CFAP54: variants seen among roughly 807,000 people sequenced by gnomAD.
CFAP54 encodes the protein cilia and flagella associated protein 54.
In CFAP54, 290 loss-of-function variants were observed where a neutral mutation model predicts 370.4. The observed-to-expected ratio is 0.78, with a 90% CI of 0.71 to 0.86. The LOEUF is 0.86. Among genes scored for constraint, CFAP54 ranks in the 40% least tolerant of loss-of-function variants. CFAP54 has a pLI of 0.00. For synonymous variants in CFAP54, 1,206 were observed against 1,236.5 expected, an observed-to-expected ratio of 0.98 and a Z score of 0.52; for missense variants, 3,399 against 3,528.7, an observed-to-expected ratio of 0.96 and a Z score of 0.93.
chr12:96,636,092 C>T (rs895116537), intron 32 of CFAP54, among the ~76,000 whole-genome samples: 76 of 152,292 alleles, frequency 5.0e-4, no homozygotes, highest in African/African-American at 1.7e-3. Context: ...AGGCTCTACC[C>T]TGAGTCGCCT....
At chr12:96,508,469 A>G (rs1361427934) in intron 4 of CFAP54, among the ~76,000 whole-genome samples, 1 of 151,328 alleles carries the variant, frequency 6.6e-6, no homozygotes, top group East Asian at 1.9e-4. Context: ...TATTTTTAGT[A>G]CAGACGGGTT....
chr12:96,638,621 T>C (rs1038686089), intron 32 of CFAP54, among the ~76,000 whole-genome samples: 1 of 152,190 alleles, frequency 6.6e-6, no homozygotes, highest in African/African-American at 2.4e-5. Context: ...TTTCTGCTTC[T>C]TGTGAATAGA....
chr12:96,607,109 G>A (rs1005873115), intron 26 of CFAP54, among the ~76,000 whole-genome samples: 2 of 152,218 alleles, frequency 1.3e-5, no homozygotes, highest in Non-Finnish European at 2.9e-5. Context: ...GACCTCAAGA[G>A]CAGGAAATAA....
At chr12:96,772,179 T>G (rs555816013) in intron 60 of CFAP54, among the ~76,000 whole-genome samples, 1 of 152,272 alleles carries the variant, frequency 6.6e-6, no homozygotes, top group Admixed American at 6.5e-5. Context: ...AAGTGTCCAG[T>G]TCTCAGTTCC....
At chr12:96,699,509 A>C (rs1731752046) in intron 45 of CFAP54, among the ~76,000 whole-genome samples, 1 of 152,072 alleles carries the variant, frequency 6.6e-6, no homozygotes, top group Admixed American at 6.6e-5. Flanking sequence ...AATAAAAGAA[A>C]ATTAGTAGTT....
chr12:96,792,571 G>A (rs1471893338), intron 63 of CFAP54, 72 bp downstream of exon 63: 3 of 1,184,658 alleles, frequency 2.5e-6, no homozygotes, highest in East Asian at 5.2e-5. Flanking sequence ...ATAACTTGGA[G>A]AGTAGAGGAC....
At chr12:96,658,494 A>G in intron 38 of CFAP54, 148 bp downstream of exon 38, 1 of 1,026,684 alleles carries the variant, frequency 9.7e-7, no homozygotes, top group Admixed American at 2.6e-5. Flanking sequence ...ATCAACAAAC[A>G]TTATTGAGAG....
intron 26 of CFAP54, among the ~76,000 whole-genome samples, chr12:96,613,461 T>TAG (rs1956381526): frequency 6.6e-6 from 1 of 151,988 alleles, no homozygotes; most frequent in Non-Finnish European, 1.5e-5. Context: ...TTAAAAGAAC[T>TAG]AGAGAAGCAA....
intron 56 of CFAP54, among the ~76,000 whole-genome samples, chr12:96,755,304 C>G (rs1958240837): frequency 6.6e-6 from 1 of 152,122 alleles, no homozygotes. Flanking sequence ...TTAAATCAAG[C>G]TAATTAGCAT....
Position 96,756,629 on chromosome 12 carries a change from T to C in CFAP54, c.7946+66T>C. On this transcript the variant is annotated intron_variant, in intron 57 of 67. Transcript: ENST00000524981. ...TTGAGCCCCGTGTTCTTGTAGTACA[T>C]TGACCACTCAAGGCTGGATTGCTTG... The C allele has an allele frequency of 2.5e-5, 26 of 1,054,574 alleles. No homozygotes were observed. The South Asian group carries it at 3.5e-4, about 14-fold the overall frequency. 65.3% of individuals were successfully genotyped at this position (1,054,574 alleles called of 1,614,324 possible).
At chr12:96,817,136 C>T (rs1261917113) in intron 64 of CFAP54, among the ~76,000 whole-genome samples, 2 of 152,150 alleles carry the variant, frequency 1.3e-5, no homozygotes, top group African/African-American at 4.8e-5. Context: ...TTTGCTTTTG[C>T]CTAGATTTTG....
At chr12:96,528,609 A>G (rs1955407969) in intron 9 of CFAP54, among the ~76,000 whole-genome samples, 1 of 152,108 alleles carries the variant, frequency 6.6e-6, no homozygotes, top group Non-Finnish European at 1.5e-5. Flanking sequence ...GATGAATTCA[A>G]TTTCCTCCAT....
chr12:96,826,021 A>T (rs1959097845), intron 65 of CFAP54, among the ~76,000 whole-genome samples: 1 of 144,018 alleles, frequency 6.9e-6, no homozygotes, highest in Non-Finnish European at 1.5e-5. Flanking sequence ...ATAGAAATTA[A>T]TAATAGATAT....
intron 4 of CFAP54, among the ~76,000 whole-genome samples, chr12:96,511,281 A>G (rs922252047): frequency 2.6e-5 from 4 of 152,134 alleles, no homozygotes; most frequent in African/African-American, 9.7e-5. Context: ...ATCAAGTAAT[A>G]GATGTTTTGG....
chr12:96,868,371 A>G (rs1960061038), intron 67 of CFAP54, among the ~76,000 whole-genome samples: 1 of 140,502 alleles, frequency 7.1e-6, no homozygotes, highest in Non-Finnish European at 1.5e-5. Context: ...TCCACTGTAT[A>G]TTTTTCTGTT....
At chr12:96,604,313 G>A (rs534370994) in intron 26 of CFAP54, among the ~76,000 whole-genome samples, 16 of 151,774 alleles carry the variant, frequency 1.1e-4, no homozygotes, top group Admixed American at 5.2e-4. Flanking sequence ...CTGCCTGATC[G>A]TTCCTCTGGA....
At chr12:96,696,330 A>G (rs546546147) in intron 45 of CFAP54, among the ~76,000 whole-genome samples, 1 of 152,288 alleles carries the variant, frequency 6.6e-6, no homozygotes, top group East Asian at 1.9e-4. Flanking sequence ...CATGAGAGAA[A>G]TGAAGAGATT....
rs548599365 is a variant in CFAP54, at chr12:96,492,022, A to T, written c.317+2096A>T. 5.9e-5 allele frequency among the ~76,000 whole-genome samples: 9 copies of T among 152,258 alleles called. No individual in the cohort carries two copies. The East Asian group carries it at 1.5e-3, about 26-fold the overall frequency. On this transcript the variant is annotated intron_variant, in intron 1 of 67. Transcript: ENST00000524981. ...TGATCCACCCGCCTTGGCCTCCAAG[A>T]TTGCTGAGGTTACAGGCATGAGCCA...
chr12:96,626,850 C>A lies in CFAP54; in HGVS notation c.4014C>A (p.Phe1338Leu). ...AGCAAAAACCAAGATTTCTGGAATT[C>A]TTTACACAAGTTATGCTAAAATGCA... ...KFKQKPRFLE[F>L]FTQVMLKCMN... is the part of the protein sequence containing the mutation. Residue 1338 changes from phenylalanine (F) to leucine (L), a missense_variant, in exon 30 of 68, where the codon TTC becomes TTA. This residue lies in a region of CFAP54 where 2,796 missense variants were observed against 2,869.7 expected (regional missense o/e 0.97). Coordinates refer to ENST00000524981, the MANE Select transcript of CFAP54 (RefSeq NM_001306084.2). 7.1e-7 allele frequency: 1 copy of A among 1,413,810 alleles called. No homozygotes were observed. Among genetic ancestry groups the A allele is most frequent in the Non-Finnish European group, 9.3e-7 (1 of 1,070,422 alleles). 87.6% of individuals were successfully genotyped at this position (1,413,810 alleles called of 1,614,324 possible). A position where few individuals can be genotyped will look rare whatever the true frequency, so the allele number is the denominator to read the frequency against.
Sources: gnomAD v4.1 joint callset for allele counts (sites outside exome capture counted in the v4.1 genomes callset) on GRCh38, gnomAD v4.1.1 for gene constraint, gnomAD v4.1.1 regional missense constraint, MANE v1.5 for transcripts, NCBI Gene and HGNC (gene_info 2026-07-23, HGNC 2026-07-21) for gene names.